The following CHST15 variants were observed in gnomAD, a reference collection of about 807,000 sequenced individuals.
CHST15 encodes B cell RAG associated protein (GALNAC4S-6ST).
In CHST15, 30 loss-of-function variants were observed where a neutral mutation model predicts 53.6. That is an observed-to-expected ratio of 0.56 (90% CI 0.42 to 0.76). CHST15 has a LOEUF of 0.76. Ranked by LOEUF, CHST15 falls within the 30% of genes least tolerant of loss-of-function variation. The probability of loss-of-function intolerance (pLI) is 0.00; values close to 1 mark genes in which losing one functional copy is unlikely to be tolerated. For synonymous variants in CHST15, 296 were observed against 289.8 expected (o/e 1.02, Z -0.22); for missense variants, 627 against 740.5 (o/e 0.85, Z 1.78).
chr10:124,057,547 G>C (rs1404055852), intron 1 of CHST15, among the ~76,000 whole-genome samples: 1 of 152,116 alleles, frequency 6.6e-6, no homozygotes, highest in Admixed American at 6.5e-5. Flanking sequence ...GAACAGCCTG[G>C]GTCCTCTGGG....
intron 6 of CHST15, among the ~76,000 whole-genome samples, chr10:124,015,891 A>G (rs777891748): frequency 5.4e-4 from 82 of 152,040 alleles, no homozygotes; most frequent in Admixed American, 1.5e-3. Context: ...AGTCTCCCCG[A>G]CCCCAGAGGG....
At chr10:124,073,019 C>G (rs548866621) in intron 1 of CHST15, among the ~76,000 whole-genome samples, 6 of 152,240 alleles carry the variant, frequency 3.9e-5, no homozygotes, top group Middle Eastern at 3.4e-3. Context: ...CTGATGGGAA[C>G]GGTAAATGAG....
intron 6 of CHST15, among the ~76,000 whole-genome samples, chr10:124,014,473 C>T (rs774654427): frequency 2.6e-5 from 4 of 152,224 alleles, no homozygotes; most frequent in Non-Finnish European, 5.9e-5. Context: ...GTTGCTACCT[C>T]ACATGCCAGC....
chr10:124,033,665 C>A (rs1224679792), intron 5 of CHST15, among the ~76,000 whole-genome samples: 1 of 152,196 alleles, frequency 6.6e-6, no homozygotes, highest in Non-Finnish European at 1.5e-5. Flanking sequence ...ACCGGAGAGG[C>A]CCTGTGGTGA....
At chr10:124,020,873 T>G in intron 6 of CHST15, 1 of 1,261,936 alleles carries the variant, frequency 7.9e-7, no homozygotes, top group Non-Finnish European at 1.0e-6. Context: ...GATGGGTAGT[T>G]TTTTAAACCA....
rs1256963586 is a variant in CHST15, at chr10:124,021,284, T to A, written c.1319A>T (p.Tyr440Phe). 6.2e-7 allele frequency: 1 copy of A among 1,612,204 alleles called. No homozygotes were observed. Among genetic ancestry groups the A allele is most frequent in the Non-Finnish European group, 8.5e-7 (1 of 1,179,402 alleles). ...MLDYSLRACVYNNTLNNAMPV... is the reference protein window; with the variant it reads ...MLDYSLRACVFNNTLNNAMPV... ...CATGGCGTTGTTGAGGGTGTTGTTGTAGACGCAGGCGCGCAGTGAATAATC... is the reference window on the plus strand; with the variant it reads ...CATGGCGTTGTTGAGGGTGTTGTTGAAGACGCAGGCGCGCAGTGAATAATC... The change falls in exon 6 of 8, where the codon TAC becomes TTC. Residue 440 changes from tyrosine (Y) to phenylalanine (F), a missense_variant. Transcript: ENST00000435907.
intron 5 of CHST15, among the ~76,000 whole-genome samples, chr10:124,025,675 T>A (rs965488126): frequency 1.3e-5 from 2 of 151,944 alleles, no homozygotes; most frequent in Admixed American, 6.6e-5. Context: ...GGAAATAGGG[T>A]CTTTGCAGAT....
intron 3 of CHST15, 63 bp from the exon 4 acceptor site, chr10:124,042,510 C>A: frequency 6.4e-7 from 1 of 1,567,928 alleles, no homozygotes; most frequent in Non-Finnish European, 8.7e-7. Flanking sequence ...GCGATGGCCT[C>A]CCAGACAGCA....
rs181100301 is a variant in CHST15 at position 124,020,966 on chromosome 10, G to A, written c.1347+290C>T. On this transcript the variant is annotated intron_variant, in intron 6 of 7. Transcript: ENST00000435907. ...CTCATGTCTGCCGATTCTAATTGCT[G>A]GGTGTCTTGCTAAATGGTAATCTTC... The A allele has an allele frequency of 1.1e-4, 150 of 1,392,832 alleles. No individual in the cohort carries two copies. In the East Asian group the frequency reaches 2.9e-3, roughly 27 times the overall value. 86.3% of individuals were successfully genotyped at this position (1,392,832 alleles called of 1,614,324 possible). A position where few individuals can be genotyped will look rare whatever the true frequency, so the allele number is the denominator to read the frequency against.
chr10:124,020,503 A>C (rs889618871), intron 6 of CHST15: 2 of 985,552 alleles, frequency 2.0e-6, no homozygotes, highest in East Asian at 2.3e-4. Context: ...GAGGGGGCAG[A>C]GCCTCTTGGC....
intron 1 of CHST15, among the ~76,000 whole-genome samples, chr10:124,076,176 T>G (rs1221795482): frequency 6.6e-6 from 1 of 152,204 alleles, no homozygotes; most frequent in Non-Finnish European, 1.5e-5. Context: ...TGTCAATCTT[T>G]TCCATTTTAC....
chr10:124,066,085 T>G (rs1274630135), intron 1 of CHST15, among the ~76,000 whole-genome samples: 1 of 152,140 alleles, frequency 6.6e-6, no homozygotes. Flanking sequence ...CTTTTTCCCC[T>G]CTTCTACCCT....
At chr10:124,057,763 G>A (rs1356051476) in intron 1 of CHST15, among the ~76,000 whole-genome samples, 2 of 152,206 alleles carry the variant, frequency 1.3e-5, no homozygotes, top group African/African-American at 4.8e-5. Flanking sequence ...GCCGTGGCAG[G>A]CAGGAGGGAG....
At chr10:124,057,977 C>T (rs545988931) in intron 1 of CHST15, among the ~76,000 whole-genome samples, 6 of 152,136 alleles carry the variant, frequency 3.9e-5, no homozygotes, top group Admixed American at 6.5e-5. Context: ...GTTCTCCCCC[C>T]CAATGATTTC....
Position 124,036,320 on chromosome 10 carries a change from T to A in CHST15, c.1190+2195A>T, listed in dbSNP as rs142630027. Among the ~76,000 whole-genome samples, 667 of 152,226 alleles carry A rather than the reference T, an allele frequency of 4.4e-3. 9 individuals carry two copies. The highest frequency in any genetic ancestry group is 0.015 in the African/African-American group (638 of 41,542). On this transcript the variant is annotated intron_variant, in intron 5 of 7. Coordinates refer to ENST00000435907, the MANE Select transcript of CHST15 (RefSeq NM_001270764.2). This position sits in a 1 kb window ranked among gnomAD's most constrained non-coding sequence, Gnocchi z 5.1. ...AACACGGGAACCAGCAGGTGGGACA[T>A]GGCAAGGGACGGCAAGTCAGTGCCT...
rs1254187984 is a variant in CHST15, at chr10:124,009,703, T to C, written c.*446A>G. On this transcript the variant is annotated 3_prime_UTR_variant, in exon 8 of 8. Transcript: ENST00000435907. ...GTCTGTGCAACACGGCGAGACCCCA[T>C]CTCTAGGGGGAAAAAAAGGGAACGT... 2 of 1,022,880 alleles carry C rather than the reference T, an allele frequency of 2.0e-6. No homozygotes were observed. Among genetic ancestry groups the C allele is most frequent in the South Asian group, 3.6e-5 (1 of 27,458 alleles). The allele number at this position is 1,022,880 out of a possible 1,614,324, so 63.4% of individuals were successfully genotyped here.
intron 1 of CHST15, among the ~76,000 whole-genome samples, chr10:124,090,402 A>T (rs1230313664): frequency 1.3e-5 from 2 of 152,044 alleles, no homozygotes; most frequent in Admixed American, 6.6e-5. Flanking sequence ...CTAGCAGGGG[A>T]CCTTCCAGCC....
chr10:124,036,412 T>C lies in CHST15; in HGVS notation c.1190+2103A>G, dbSNP rs1947499733. ...AGAGAGCAGGGAGCGAAACCACACC[T>C]GGCACCTGCTAGAAGGCATGGCACC... On this transcript the variant is annotated intron_variant, in intron 5 of 7. Transcript: ENST00000435907. This position sits in a 1 kb window ranked among gnomAD's most constrained non-coding sequence, Gnocchi z 5.1. Among the ~76,000 whole-genome samples, 1 of 152,150 alleles carries C rather than the reference T, an allele frequency of 6.6e-6. No individual in the cohort carries two copies. The highest frequency in any genetic ancestry group is 2.1e-4 in the South Asian group (1 of 4,812).
intron 1 of CHST15, among the ~76,000 whole-genome samples, chr10:124,062,323 G>A: frequency 6.6e-6 from 1 of 152,184 alleles, no homozygotes; most frequent in East Asian, 1.9e-4. Flanking sequence ...ACATAGGAAC[G>A]GGCACATACC....
Sources: allele counts gnomAD v4.1 joint callset (sites outside exome capture counted in the v4.1 genomes callset), GRCh38; gene constraint gnomAD v4.1.1; non-coding constraint Gnocchi (gnomAD v3.1); transcripts MANE v1.5; gene names NCBI Gene and HGNC (gene_info 2026-07-23, HGNC 2026-07-21).